The following DPY19L1 variants were observed in gnomAD, a reference collection of about 807,000 sequenced individuals.
DPY19L1 encodes the protein protein C-mannosyl-transferase DPY19L1.
Under a neutral mutation model 96.9 loss-of-function variants are expected in DPY19L1, and 35 were observed. That is an observed-to-expected ratio of 0.36 (90% confidence interval 0.28 to 0.48). The LOEUF is 0.48. DPY19L1 is among the 20% of genes least tolerant of loss of function. The probability of loss-of-function intolerance (pLI) is 0.99; values close to 1 mark genes in which losing one functional copy is unlikely to be tolerated. For missense variants in DPY19L1, 521 were observed against 777.9 expected, an observed-to-expected ratio of 0.67 and a Z score of 3.93; for synonymous variants, 205 against 252.6, an observed-to-expected ratio of 0.81 and a Z score of 1.79.
At chr7:35,014,153 G>A (rs930748286) in intron 3 of DPY19L1, among the ~76,000 whole-genome samples, 8 of 151,828 alleles carry the variant, frequency 5.3e-5, no homozygotes, top group East Asian at 3.9e-4. Context: ...TTTTTCCTCC[G>A]GATTTACATG....
rs1354175754 is a variant in DPY19L1, at chr7:34,938,090, T to C, written c.1994A>G (p.Tyr665Cys). 5 of 1,613,732 alleles carry C rather than the reference T, an allele frequency of 3.1e-6. No individual in the cohort carries two copies. Among genetic ancestry groups the C allele is most frequent in the Non-Finnish European group, 3.4e-6 (4 of 1,179,960 alleles). Residue 665 changes from tyrosine to cysteine, a missense_variant, in exon 21 of 22, where the codon TAT becomes TGT. Physicochemically the swap from Tyr to Cys is radical, Grantham distance 194. Transcript: ENST00000638088. ...RARTKIVYSMYSRKAAEEVKR... is the reference protein window; with the variant it reads ...RARTKIVYSMCSRKAAEEVKR... The stretch of plus-strand genomic sequence containing the variant: ...CACTTCTTCGGCTGCTTTCCGACTA[T>C]ACATTGAGTATACTATTTTTGTTCT...
intron 14 of DPY19L1, among the ~76,000 whole-genome samples, chr7:34,949,543 C>A (rs1446468196): frequency 6.6e-6 from 1 of 152,126 alleles, no homozygotes; most frequent in Non-Finnish European, 1.5e-5. Context: ...ACTTGAAATG[C>A]CTCTGTGTTT....
At chr7:34,957,228 C>G (rs1214775353) in intron 11 of DPY19L1, among the ~76,000 whole-genome samples, 1 of 151,556 alleles carries the variant, frequency 6.6e-6, no homozygotes, top group Admixed American at 6.6e-5. Context: ...ACTAAAAATA[C>G]AAAACTAGCC....
chr7:34,958,985 A>G (rs1450031301), intron 10 of DPY19L1, among the ~76,000 whole-genome samples: 4 of 152,188 alleles, frequency 2.6e-5, no homozygotes, highest in African/African-American at 4.8e-5. Flanking sequence ...CATAGCCCCA[A>G]TATCCAGAAT....
chr7:34,934,350 G>C (rs917200176), intron 21 of DPY19L1, among the ~76,000 whole-genome samples: 26 of 152,282 alleles, frequency 1.7e-4, no homozygotes, highest in African/African-American at 4.6e-4. Flanking sequence ...TTCTGGGACT[G>C]TATACTGAAC....
intron 7 of DPY19L1, among the ~76,000 whole-genome samples, chr7:34,984,609 T>G (rs891296690): frequency 2.6e-5 from 4 of 152,212 alleles, no homozygotes; most frequent in Non-Finnish European, 2.9e-5. Context: ...TATTGAACTT[T>G]TGAAGTTACT....
intron 19 of DPY19L1, 78 bp from the exon 20 acceptor site, chr7:34,939,453 T>C (rs1783948263): frequency 1.6e-6 from 2 of 1,278,328 alleles, no homozygotes; most frequent in Middle Eastern, 1.9e-4. Context: ...AAATCAATTA[T>C]TTCACAGGTA....
intron 7 of DPY19L1, among the ~76,000 whole-genome samples, chr7:34,982,642 T>G (rs1050474331): frequency 6.6e-6 from 1 of 152,208 alleles, no homozygotes; most frequent in Admixed American, 6.5e-5. Context: ...ACTGCATAAT[T>G]TAGGTAAGGA....
intron 6 of DPY19L1, among the ~76,000 whole-genome samples, chr7:35,005,710 G>C (rs981780438): frequency 6.6e-6 from 1 of 151,610 alleles, no homozygotes. Context: ...ATACTCAGGA[G>C]GCTGAGACGA....
intron 1 of DPY19L1, among the ~76,000 whole-genome samples, chr7:35,029,508 T>C (rs1786210616): frequency 6.6e-6 from 1 of 152,150 alleles, no homozygotes; most frequent in African/African-American, 2.4e-5. Context: ...CCCATTCCAA[T>C]GGTAAGATAT....
intron 20 of DPY19L1, 75 bp from the exon 21 acceptor site, chr7:34,938,194 G>C (rs527376775): frequency 1.4e-5 from 21 of 1,462,552 alleles, no homozygotes; most frequent in Non-Finnish European, 1.9e-5. Context: ...AGAAAGCACT[G>C]AATTAGACTA....
At chr7:34,966,498 C>T (rs1183584372) in intron 10 of DPY19L1, among the ~76,000 whole-genome samples, 1 of 152,092 alleles carries the variant, frequency 6.6e-6, no homozygotes, top group Non-Finnish European at 1.5e-5. Flanking sequence ...GGCTCTGTTG[C>T]CCAGGCTGGT....
chr7:34,967,314 C>CG (rs1784632093), intron 9 of DPY19L1, among the ~76,000 whole-genome samples: 1 of 152,086 alleles, frequency 6.6e-6, no homozygotes, highest in African/African-American at 2.4e-5. Context: ...GTAATTATAA[C>CG]ATGACAACTA....
chr7:34,971,094 C>T (rs1427251922), intron 8 of DPY19L1, among the ~76,000 whole-genome samples: 1 of 152,134 alleles, frequency 6.6e-6, no homozygotes, highest in South Asian at 2.1e-4. Context: ...CTTGCCTCCA[C>T]CAAGCCATCG....
intron 21 of DPY19L1, 88 bp downstream of exon 21, chr7:34,937,906 A>G (rs938108447): frequency 1.4e-6 from 2 of 1,403,326 alleles, no homozygotes; most frequent in Non-Finnish European, 2.0e-6. Context: ...TTATATACAC[A>G]CCCCCGCCAC....
At chr7:35,002,612 G>A (rs770879041) in intron 6 of DPY19L1, among the ~76,000 whole-genome samples, 15 of 152,056 alleles carry the variant, frequency 9.9e-5, no homozygotes, top group Non-Finnish European at 2.1e-4. Flanking sequence ...GATCTACACT[G>A]AGACATATTG....
chr7:34,938,457 C>A (rs1783920310), intron 20 of DPY19L1, among the ~76,000 whole-genome samples: 1 of 152,216 alleles, frequency 6.6e-6, no homozygotes, highest in Non-Finnish European at 1.5e-5. Flanking sequence ...TGAACTACAA[C>A]AAACACAACT....
At position 35,005,222 on chromosome 7, in the gene DPY19L1, G is replaced by A. The variant is rs145410376; in HGVS notation, c.764+5246C>T. ...TGAAGACAGAGGCAGCAGTAATCAG[G>A]GGAGAACGATACAAAGAAATGAAGC... On this transcript the variant is annotated intron_variant, in intron 6 of 21. Transcript: ENST00000638088. 4.2e-3 allele frequency among the ~76,000 whole-genome samples: 633 copies of A among 152,006 alleles called. 1 individual carries two copies. Among genetic ancestry groups the A allele is most frequent in the African/African-American group, 0.014 (590 of 41,458 alleles).
intron 7 of DPY19L1, among the ~76,000 whole-genome samples, chr7:34,975,809 C>T (rs1416044257): frequency 1.3e-5 from 2 of 152,140 alleles, no homozygotes; most frequent in Non-Finnish European, 2.9e-5. Flanking sequence ...ATACTCTGCA[C>T]GTGATCTACA....
Sources: gnomAD v4.1 joint callset for allele counts (sites outside exome capture counted in the v4.1 genomes callset) on GRCh38, gnomAD v4.1.1 for gene constraint, MANE v1.5 for transcripts, NCBI Gene and HGNC (gene_info 2026-07-23, HGNC 2026-07-21) for gene names.